The following KSR2 variants were observed in gnomAD, a reference collection of about 807,000 sequenced individuals.
KSR2 encodes kinase suppressor of ras 2.
Under a neutral mutation model 107.8 loss-of-function variants are expected in KSR2, and 25 were observed. The observed-to-expected ratio is 0.23, with a 90% CI of 0.17 to 0.32. The LOEUF (loss-of-function observed/expected upper bound fraction) is 0.32. KSR2 is among the 10% of genes least tolerant of loss of function. The pLI, the probability that KSR2 is intolerant of heterozygous loss-of-function variation, is 1.00. For synonymous variants in KSR2, 480 were observed against 507.0 expected, an observed-to-expected ratio of 0.95 and a Z score of 0.71; for missense variants, 887 against 1,268.9, an observed-to-expected ratio of 0.70 and a Z score of 4.57.
At chr12:117,788,586 C>T (rs1420456320) in intron 3 of KSR2, among the ~76,000 whole-genome samples, 1 of 152,236 alleles carries the variant, frequency 6.6e-6, no homozygotes, top group Non-Finnish European at 1.5e-5. Flanking sequence ...ACGGCAACCT[C>T]TGCCTCCCAG....
Position 117,743,699 on chromosome 12 carries a change from G to A in KSR2, c.986+17312C>T, listed in dbSNP as rs117206376. 3.6e-3 allele frequency among the ~76,000 whole-genome samples: 541 copies of A among 152,250 alleles called. 4 individuals carry two copies. Among genetic ancestry groups the A allele is most frequent in the Non-Finnish European group, 6.0e-3 (409 of 68,014 alleles). On this transcript the variant is annotated intron_variant, in intron 4 of 19. Coordinates refer to ENST00000339824, the MANE Select transcript of KSR2 (RefSeq NM_173598.6). ...CCAATGGGTGGCATGGCTGGGATCTGTTCAGCTTTATTTCCTATGCCCTGA... is the reference window on the plus strand; with the variant it reads ...CCAATGGGTGGCATGGCTGGGATCTATTCAGCTTTATTTCCTATGCCCTGA...
At chr12:117,613,773 T>C (rs1400593) in intron 5 of KSR2, among the ~76,000 whole-genome samples, 138,512 of 152,308 alleles carry the variant, frequency 0.91, 63,242 homozygotes, top group East Asian at 0.99. Flanking sequence ...GATGTATCTG[T>C]TAATGGACTG....
rs78461246 is a variant in KSR2, at chr12:117,610,167, A to G, written c.1172-27808T>C. Among the ~76,000 whole-genome samples, 242 of 152,274 alleles carry G rather than the reference A, an allele frequency of 1.6e-3. 1 individual carries two copies. The highest frequency in any genetic ancestry group is 6.8e-3 in the Middle Eastern group (2 of 294). On this transcript the variant is annotated intron_variant, in intron 5 of 19. Coordinates refer to ENST00000339824, the MANE Select transcript of KSR2 (RefSeq NM_173598.6). ...GTAAGAAGATTTTTGGATTTTAGGGAGTATAAATCAATGAAATTTTTATAG... is the reference window on the plus strand; with the variant it reads ...GTAAGAAGATTTTTGGATTTTAGGGGGTATAAATCAATGAAATTTTTATAG...
At chr12:117,471,520 G>T (rs1045971619) in intron 17 of KSR2, among the ~76,000 whole-genome samples, 200 bp from the exon 18 acceptor site, 2 of 152,052 alleles carry the variant, frequency 1.3e-5, no homozygotes, top group East Asian at 3.9e-4. Flanking sequence ...TTTATCCCAG[G>T]ATATCTTCTA....
At chr12:117,824,113 A>G (rs1175964490) in intron 3 of KSR2, among the ~76,000 whole-genome samples, 1 of 152,356 alleles carries the variant, frequency 6.6e-6, no homozygotes, top group African/African-American at 2.4e-5. Context: ...CACGGATGGA[A>G]CTGGAGGTCA....
chr12:117,642,036 G>A (rs561209461), intron 5 of KSR2, among the ~76,000 whole-genome samples: 10 of 152,216 alleles, frequency 6.6e-5, no homozygotes, highest in South Asian at 6.2e-4. Context: ...TTCATCATCT[G>A]GCTGGCCCTA....
intron 4 of KSR2, among the ~76,000 whole-genome samples, chr12:117,753,993 TG>T (rs1350346700): frequency 5.7e-5 from 8 of 140,154 alleles, no homozygotes; most frequent in Admixed American, 7.2e-5. Flanking sequence ...TGTGTGTGTG[TG>T]TGTGTGTTTT....
Position 117,944,821 on chromosome 12 carries a change from G to A in KSR2, c.180+23255C>T, listed in dbSNP as rs556923757. ...TGCAGTGAGGTATGATCTCGCCATC[G>A]CACTCCAGCCTGGGCAACAGAGTGA... On this transcript the variant is annotated intron_variant, in intron 1 of 19. Coordinates refer to ENST00000339824, the MANE Select transcript of KSR2 (RefSeq NM_173598.6). Among the ~76,000 whole-genome samples, 11 of 151,986 alleles carry A rather than the reference G, an allele frequency of 7.2e-5. No individual in the cohort carries two copies. In the South Asian group the frequency reaches 1.0e-3, roughly 14 times the overall value.
At chr12:117,682,578 A>C (rs1204884573) in intron 4 of KSR2, among the ~76,000 whole-genome samples, 1 of 151,644 alleles carries the variant, frequency 6.6e-6, no homozygotes, top group Non-Finnish European at 1.5e-5. Flanking sequence ...CCACCACACC[A>C]GGGCTAATTT....
Position 117,795,982 on chromosome 12 carries a change from A to T in KSR2, c.473-34458T>A, listed in dbSNP as rs181596231. ...CACTCTGTCACCCAGGCTGAAGTGC[A>T]GTGGTATGAACACAGCTCATTGCAG... On this transcript the variant is annotated intron_variant, in intron 3 of 19. Transcript: ENST00000339824. 3.3e-3 allele frequency among the ~76,000 whole-genome samples: 497 copies of T among 152,354 alleles called. 1 individual carries two copies. Among genetic ancestry groups the T allele is most frequent in the Non-Finnish European group, 4.5e-3 (309 of 68,040 alleles).
chr12:117,605,548 C>A (rs1881180575), intron 5 of KSR2, among the ~76,000 whole-genome samples: 1 of 152,072 alleles, frequency 6.6e-6, no homozygotes, highest in South Asian at 2.1e-4. Flanking sequence ...TCTCTGCTTC[C>A]CCACCCTCCC....
At chr12:117,609,212 CA>C (rs1307556855) in intron 5 of KSR2, among the ~76,000 whole-genome samples, 2 of 152,202 alleles carry the variant, frequency 1.3e-5, no homozygotes, top group Non-Finnish European at 2.9e-5. Context: ...AGATATTGAG[CA>C]AATTATTTCA....
intron 5 of KSR2, among the ~76,000 whole-genome samples, chr12:117,608,869 G>C (rs1054440335): frequency 3.3e-5 from 5 of 152,072 alleles, no homozygotes; most frequent in Non-Finnish European, 7.4e-5. Flanking sequence ...TAATGAATAG[G>C]GTTAAGCACT....
chr12:117,497,184 G>A (rs1003464729), intron 14 of KSR2, among the ~76,000 whole-genome samples: 3 of 152,124 alleles, frequency 2.0e-5, no homozygotes, highest in African/African-American at 7.2e-5. Flanking sequence ...GGCCAAAGAT[G>A]TTTTCCTTAT....
chr12:117,569,948 A>T (rs1742438624), intron 7 of KSR2, among the ~76,000 whole-genome samples: 1 of 152,012 alleles, frequency 6.6e-6, no homozygotes. Context: ...AGGAATGAGT[A>T]GCTCTCTCCT....
At chr12:117,797,708 C>T (rs1022631943) in intron 3 of KSR2, among the ~76,000 whole-genome samples, 47 of 150,472 alleles carry the variant, frequency 3.1e-4, no homozygotes, top group East Asian at 2.6e-3. Flanking sequence ...AGTGCAGTGG[C>T]GCAATCATGG....
intron 4 of KSR2, among the ~76,000 whole-genome samples, chr12:117,668,888 C>T (rs1382656032): frequency 1.3e-5 from 2 of 152,036 alleles, no homozygotes; most frequent in Non-Finnish European, 1.5e-5. Context: ...CACTCTGTGC[C>T]CAGCAAAACG....
At chr12:117,666,847 C>T (rs925595707) in intron 5 of KSR2, among the ~76,000 whole-genome samples, 3 of 152,124 alleles carry the variant, frequency 2.0e-5, no homozygotes, top group Non-Finnish European at 2.9e-5. Context: ...TTCAGCAAAT[C>T]GGGCCTCTGG....
chr12:117,711,525 G>C (rs1352181749), intron 4 of KSR2, among the ~76,000 whole-genome samples: 1 of 152,222 alleles, frequency 6.6e-6, no homozygotes, highest in African/African-American at 2.4e-5. Flanking sequence ...CAATGGGAAT[G>C]GACACACCCA....
Sources: allele counts gnomAD v4.1 joint callset (sites outside exome capture counted in the v4.1 genomes callset), GRCh38; gene constraint gnomAD v4.1.1; transcripts MANE v1.5; gene names NCBI Gene and HGNC (gene_info 2026-07-23, HGNC 2026-07-21).